CPNE8: variants seen among roughly 807,000 people sequenced by gnomAD.
CPNE8 encodes copine 8, also known as copine-8.
Under a neutral mutation model 81.5 loss-of-function variants are expected in CPNE8, and 45 were observed. The ratio of observed to expected loss-of-function variants is 0.55; its 90% CI spans 0.44 to 0.71. The LOEUF is 0.71. Ranked by LOEUF, CPNE8 falls within the 30% of genes least tolerant of loss-of-function variation. The pLI, the probability that CPNE8 is intolerant of heterozygous loss-of-function variation, is 0.00. For synonymous variants in CPNE8, 252 were observed against 226.3 expected (o/e 1.11, Z -1.02); for missense variants, 594 against 672.1 (o/e 0.88, Z 1.28).
intron 1 of CPNE8, among the ~76,000 whole-genome samples, chr12:38,902,354 A>AAG (rs758512136): frequency 3.0e-5 from 3 of 99,358 alleles, no homozygotes; most frequent in African/African-American, 1.3e-4. Context: ...GAAAGAAAGA[A>AAG]AGAAAGAAAG....
chr12:38,776,821 G>A (rs1230407160), intron 6 of CPNE8, among the ~76,000 whole-genome samples: 1 of 152,062 alleles, frequency 6.6e-6, no homozygotes, highest in Non-Finnish European at 1.5e-5. Context: ...ACTGCCTAAT[G>A]ATGTAATATC....
intron 15 of CPNE8, among the ~76,000 whole-genome samples, chr12:38,687,601 C>T (rs569362012): frequency 2.6e-5 from 4 of 151,836 alleles, no homozygotes; most frequent in African/African-American, 9.7e-5. Context: ...AGGCTGGTCT[C>T]GAACTCCTGA....
intron 13 of CPNE8, among the ~76,000 whole-genome samples, chr12:38,712,324 C>T (rs971237958): frequency 2.0e-5 from 3 of 151,904 alleles, no homozygotes; most frequent in Admixed American, 2.0e-4. Context: ...GCCCCTGCAC[C>T]TTAGCCCACT....
At chr12:38,905,605 C>A (rs896533158), upstream of CPNE8, 1 of 1,528,376 alleles carries the variant, frequency 6.5e-7, no homozygotes, top group East Asian at 2.5e-5. Context: ...GGCTAGCTCC[C>A]GTCAGGCGGG....
intron 6 of CPNE8, among the ~76,000 whole-genome samples, chr12:38,784,884 A>G (rs1038129112): frequency 6.6e-6 from 1 of 152,152 alleles, no homozygotes; most frequent in Non-Finnish European, 1.5e-5. Context: ...TGCTAAAGAG[A>G]ATATCTCAAA....
rs183607494 is a variant in CPNE8 at position 38,768,061 on chromosome 12, A to G, written c.472-323T>C. On this transcript the variant is annotated intron_variant, in intron 7 of 19. Coordinates refer to ENST00000331366, the MANE Select transcript of CPNE8 (RefSeq NM_153634.3). ...TCCTCATTCATATCTTCAGTTATAC[A>G]GGTACACATTTTTAGAACATAGTTA... is the stretch of plus-strand genomic sequence containing the variant. Among the ~76,000 whole-genome samples the G allele has an allele frequency of 4.9e-3, 745 of 152,096 alleles. 5 individuals carry two copies. The highest frequency in any genetic ancestry group is 0.017 in the African/African-American group (696 of 41,464).
intron 6 of CPNE8, among the ~76,000 whole-genome samples, chr12:38,799,504 C>A (rs1942598852): frequency 6.6e-6 from 1 of 152,070 alleles, no homozygotes; most frequent in East Asian, 1.9e-4. Flanking sequence ...CCAACGAGAA[C>A]AAAGACACAA....
chr12:38,792,272 T>C (rs1197332159), intron 6 of CPNE8, among the ~76,000 whole-genome samples: 1 of 146,576 alleles, frequency 6.8e-6, no homozygotes. Context: ...ACAAAAACAT[T>C]ACAAAAATAT....
chr12:38,677,410 G>T, intron 17 of CPNE8, 42 bp downstream of exon 17: 1 of 1,031,698 alleles, frequency 9.7e-7, no homozygotes, highest in Non-Finnish European at 1.5e-6. Context: ...GTAGCACCAT[G>T]TTGTCACGTA....
At chr12:38,843,941 T>G (rs1362122000) in intron 4 of CPNE8, among the ~76,000 whole-genome samples, 2 of 152,058 alleles carry the variant, frequency 1.3e-5, no homozygotes, top group African/African-American at 4.8e-5. Context: ...ACCTAACAAT[T>G]AACAGAGTAA....
intron 6 of CPNE8, among the ~76,000 whole-genome samples, chr12:38,785,007 C>T (rs1416072347): frequency 6.6e-6 from 1 of 151,930 alleles, no homozygotes; most frequent in Admixed American, 6.6e-5. Context: ...CCAGCCTGGC[C>T]AACATGGTGA....
upstream of CPNE8, chr12:38,906,361 CAA>C (rs908664454): frequency 2.0e-6 from 2 of 985,400 alleles, no homozygotes; most frequent in Admixed American, 1.2e-4. Flanking sequence ...GTGGAAAAAA[CAA>C]TACTACTTGG....
chr12:38,759,470 T>A (rs943890477), intron 10 of CPNE8, among the ~76,000 whole-genome samples: 6 of 152,174 alleles, frequency 3.9e-5, no homozygotes, highest in Non-Finnish European at 5.9e-5. Context: ...TGATAAGATT[T>A]CTCCAGAATG....
At chr12:38,843,381 G>C (rs1330934050) in intron 4 of CPNE8, among the ~76,000 whole-genome samples, 1 of 152,152 alleles carries the variant, frequency 6.6e-6, no homozygotes, top group African/African-American at 2.4e-5. Flanking sequence ...AAGTTCAGGG[G>C]ACCAGTCCAT....
At chr12:38,709,603 A>C (rs903431131) in intron 13 of CPNE8, among the ~76,000 whole-genome samples, 48 of 152,186 alleles carry the variant, frequency 3.2e-4, no homozygotes, top group African/African-American at 1.1e-3. Flanking sequence ...AAGGCCCATT[A>C]AGTAGATGAC....
intron 10 of CPNE8, among the ~76,000 whole-genome samples, chr12:38,743,324 TCAAAGTCGGTGAAATGC>T (rs1348969190): frequency 2.0e-5 from 3 of 152,086 alleles, no homozygotes; most frequent in African/African-American, 4.8e-5. Context: ...TTTGAAAATG[TCAAAGTCGGTGAAATGC>T]CAAAGATTTT....
At position 38,653,881 on chromosome 12, in the gene CPNE8, G is replaced by A; in HGVS notation, c.*1C>T. On this transcript the variant is annotated 3_prime_UTR_variant, in exon 20 of 20. Transcript: ENST00000331366. ...GTTGACATTAGCATTTCAGAGCACAGTCATATTTGAGTCTGTAACACATGT... is the reference window on the plus strand; with the variant it reads ...GTTGACATTAGCATTTCAGAGCACAATCATATTTGAGTCTGTAACACATGT... 1 of 1,611,106 alleles carries A rather than the reference G, an allele frequency of 6.2e-7. No homozygotes were observed. The highest frequency in any genetic ancestry group is 1.3e-5 in the African/African-American group (1 of 74,908).
At chr12:38,745,774 G>T (rs1295677356) in intron 10 of CPNE8, among the ~76,000 whole-genome samples, 3 of 152,130 alleles carry the variant, frequency 2.0e-5, no homozygotes, top group African/African-American at 7.2e-5. Context: ...CAAACTCCTG[G>T]GCTCAAGCAA....
At chr12:38,716,108 C>T (rs1275413545) in intron 13 of CPNE8, among the ~76,000 whole-genome samples, 1 of 151,614 alleles carries the variant, frequency 6.6e-6, no homozygotes, top group African/African-American at 2.4e-5. Flanking sequence ...AAAAAGATCT[C>T]CACAAGAAAA....
Sources: gnomAD v4.1 joint callset for allele counts (sites outside exome capture counted in the v4.1 genomes callset) on GRCh38, gnomAD v4.1.1 for gene constraint, MANE v1.5 for transcripts, NCBI Gene and HGNC (gene_info 2026-07-23, HGNC 2026-07-21) for gene names.